Variants in IQSEC3 observed in about 807,000 individuals in gnomAD.
The protein encoded by IQSEC3 is IQ motif and SEC7 domain-containing protein 3.
In IQSEC3, 50 loss-of-function variants were observed where a neutral mutation model predicts 105.4. The observed-to-expected ratio is 0.47, with a 90% confidence interval of 0.38 to 0.60. IQSEC3 has a LOEUF of 0.60. IQSEC3 is among the 20% of genes least tolerant of loss of function. The pLI is 0.00. For missense variants in IQSEC3, 1,415 were observed against 1,630.0 expected, an observed-to-expected ratio of 0.87 and a Z score of 2.27; for synonymous variants, 708 against 746.0, an observed-to-expected ratio of 0.95 and a Z score of 0.83.
chr12:148,853 C>G (rs1555091815), intron 5 of IQSEC3: 1 of 152,082 alleles, frequency 6.6e-6, no homozygotes. Context: ...TTCGCCGTCT[C>G]TTCCAGCCAA....
chr12:122,661 G>A (rs1467113106), intron 2 of IQSEC3, among the ~76,000 whole-genome samples: 2 of 152,188 alleles, frequency 1.3e-5, no homozygotes, highest in African/African-American at 4.8e-5. Context: ...TGGGGACTTA[G>A]GGAGATGGTA....
intron 13 of IQSEC3, chr12:171,545 C>T (rs1188734529): frequency 5.0e-6 from 3 of 594,280 alleles, no homozygotes; most frequent in Non-Finnish European, 8.9e-6. Flanking sequence ...GACCCCACAT[C>T]CCGTTCCCCA....
chr12:135,140 A>T (rs1555086021), intron 3 of IQSEC3, among the ~76,000 whole-genome samples: 1 of 152,192 alleles, frequency 6.6e-6, no homozygotes, highest in Non-Finnish European at 1.5e-5. Context: ...AAAGAAAAAA[A>T]AAAGAAATGT....
At chr12:76,814 A>AT (rs1555069293) in intron 1 of IQSEC3, among the ~76,000 whole-genome samples, 1 of 152,254 alleles carries the variant, frequency 6.6e-6, no homozygotes, top group Non-Finnish European at 1.5e-5. Context: ...CTGTAGTGTG[A>AT]TTTTCCCTGC....
chr12:163,671 C>T (rs1867031162), intron 9 of IQSEC3, 52 bp downstream of exon 9: 8 of 1,020,888 alleles, frequency 7.8e-6, no homozygotes, highest in Non-Finnish European at 1.2e-5. Flanking sequence ...CCTCTGCCGC[C>T]CTGGTCAGCC....
intron 8 of IQSEC3, among the ~76,000 whole-genome samples, chr12:162,977 C>T (rs1398160131): frequency 2.0e-5 from 3 of 152,104 alleles, no homozygotes; most frequent in South Asian, 2.1e-4. Flanking sequence ...CCCTCTATCC[C>T]CTCATTTACT....
At chr12:116,816 A>G (rs1176774208) in intron 2 of IQSEC3, among the ~76,000 whole-genome samples, 2 of 152,204 alleles carry the variant, frequency 1.3e-5, no homozygotes, top group Non-Finnish European at 2.9e-5. Flanking sequence ...AGCAGTGTTG[A>G]TTATGTAAAG....
chr12:174,495 G>C (rs1806963628), intron 13 of IQSEC3, 104 bp from the exon 14 acceptor site: 3 of 1,056,288 alleles, frequency 2.8e-6, no homozygotes, highest in Non-Finnish European at 4.0e-6. Flanking sequence ...CAGAGTGAGG[G>C]CTGAGAGTGG....
chr12:111,454 C>G (rs1426557174), intron 2 of IQSEC3, among the ~76,000 whole-genome samples: 1 of 152,112 alleles, frequency 6.6e-6, no homozygotes, highest in Admixed American at 6.5e-5. Flanking sequence ...TTCCCTCTTT[C>G]CTCTGTTCTC....
intron 10 of IQSEC3, 75 bp from the exon 11 acceptor site, chr12:165,654 C>G: frequency 6.3e-7 from 1 of 1,592,128 alleles, no homozygotes; most frequent in Non-Finnish European, 8.6e-7. Context: ...CCCGTGCCCT[C>G]CTCATGTCTG....
chr12:87,292 C>G (rs923529999), intron 1 of IQSEC3, among the ~76,000 whole-genome samples: 63 of 152,164 alleles, frequency 4.1e-4, no homozygotes, highest in African/African-American at 1.5e-3. Flanking sequence ...ATTTGGGCTT[C>G]CTCCCAGCAT....
At chr12:162,227 T>C (rs1201670083) in intron 8 of IQSEC3, among the ~76,000 whole-genome samples, 162 bp downstream of exon 8, 3 of 152,188 alleles carry the variant, frequency 2.0e-5, no homozygotes. Context: ...TCTCTTTTTT[T>C]TTTTCTTGCC....
chr12:83,383 C>T (rs1395139789), intron 1 of IQSEC3, among the ~76,000 whole-genome samples: 3 of 151,808 alleles, frequency 2.0e-5, no homozygotes, highest in East Asian at 1.9e-4. Context: ...AATTCACACA[C>T]GTATAACAGA....
At position 163,513 on chromosome 12, in the gene IQSEC3, G is replaced by A. The variant is rs545050878; in HGVS notation, c.2603G>A (p.Arg868His). 1.2e-6 allele frequency: 2 copies of A among 1,609,468 alleles called. No individual in the cohort carries two copies. The highest frequency in any genetic ancestry group is 1.7e-5 in the Admixed American group (1 of 59,892). ...GMKTVLSVPHRRLVCCSRLFE... is the reference protein window; with the variant it reads ...GMKTVLSVPHHRLVCCSRLFE... ...GTGCAGGTGCTGTCCGTGCCCCACC[G>A]CCGCCTGGTGTGCTGCAGCCGGCTC... is the stretch of plus-strand genomic sequence containing the variant. The change falls in exon 9 of 14, where the codon CGC (arginine) becomes CAC (histidine). Residue 868 changes from arginine to histidine, a missense_variant. Physicochemically the swap from Arg to His is conservative, Grantham distance 29. This residue lies in a region of IQSEC3 where 419 missense variants were observed against 436.2 expected (regional missense o/e 0.96). Coordinates refer to ENST00000538872, the MANE Select transcript of IQSEC3 (RefSeq NM_001170738.2).
intron 9 of IQSEC3, among the ~76,000 whole-genome samples, chr12:164,229 T>C (rs559422444): frequency 5.3e-4 from 80 of 152,286 alleles, no homozygotes; most frequent in African/African-American, 1.9e-3. Flanking sequence ...ATGAGCCACG[T>C]TGGCACTGCC....
chr12:109,373 GTT>G (rs1413445649), intron 2 of IQSEC3, among the ~76,000 whole-genome samples: 2 of 152,064 alleles, frequency 1.3e-5, no homozygotes, highest in African/African-American at 4.8e-5. Context: ...TATAACCCTA[GTT>G]CGGATCTTCC....
Position 163,508 on chromosome 12 carries a change from C to T in IQSEC3, c.2598C>T (p.Pro866=). 1.2e-6 allele frequency: 2 copies of T among 1,609,194 alleles called. No homozygotes were observed. Among genetic ancestry groups the T allele is most frequent in the Non-Finnish European group, 1.7e-6 (2 of 1,177,960 alleles). ...IVGMKTVLSV[P]HRRLVCCSRL... Reference sequence around the variant, plus strand: ...CCCGCGTGCAGGTGCTGTCCGTGCCCCACCGCCGCCTGGTGTGCTGCAGCC... The same window carrying T: ...CCCGCGTGCAGGTGCTGTCCGTGCCTCACCGCCGCCTGGTGTGCTGCAGCC... The change falls in exon 9 of 14, where the codon CCC becomes CCT. Residue 866 remains proline, a synonymous_variant. Transcript: ENST00000538872.
intron 4 of IQSEC3, 156 bp from the exon 5 acceptor site, chr12:140,968 G>A (rs782265926): frequency 4.2e-5 from 29 of 694,964 alleles, no homozygotes; most frequent in Non-Finnish European, 6.6e-5. Flanking sequence ...TCTGCGTGAG[G>A]ACATTCAGTG....
intron 8 of IQSEC3, among the ~76,000 whole-genome samples, chr12:162,841 G>GTGGA (rs1866957514): frequency 6.6e-6 from 1 of 152,156 alleles, no homozygotes; most frequent in South Asian, 2.1e-4. Context: ...TATAGAAAGG[G>GTGGA]TGGAGGTGTC....
Sources: gnomAD v4.1 joint callset for allele counts (sites outside exome capture counted in the v4.1 genomes callset) on GRCh38, gnomAD v4.1.1 for gene constraint, gnomAD v4.1.1 regional missense constraint, MANE v1.5 for transcripts, NCBI Gene and HGNC (gene_info 2026-07-23, HGNC 2026-07-21) for gene names.